The following ITGA1 variants were observed in gnomAD, a reference collection of about 807,000 sequenced individuals.
ITGA1 encodes the protein integrin subunit alpha 1, also known as integrin alpha-1.
ITGA1 carries 85 observed loss-of-function variants against 145.9 expected under a neutral mutation model. The observed-to-expected ratio is 0.58, with a 90% confidence interval of 0.49 to 0.70. ITGA1 has a LOEUF of 0.70. Among genes scored for constraint, ITGA1 ranks in the 30% least tolerant of loss-of-function variants. The probability of loss-of-function intolerance (pLI) is 0.00; values close to 1 mark genes in which losing one functional copy is unlikely to be tolerated. For missense variants in ITGA1, 1,351 were observed against 1,418.7 expected (o/e 0.95, Z 0.77); for synonymous variants, 520 against 495.3 (o/e 1.05, Z -0.66).
At chr5:52,807,982 T>C (rs1748621692) in intron 1 of ITGA1, among the ~76,000 whole-genome samples, 1 of 152,144 alleles carries the variant, frequency 6.6e-6, no homozygotes, top group Non-Finnish European at 1.5e-5. Flanking sequence ...AAATTAGATA[T>C]CAGCAGGAGA....
intron 3 of ITGA1, among the ~76,000 whole-genome samples, chr5:52,863,267 C>T (rs2169782): frequency 0.18 from 27,828 of 152,092 alleles, 2,769 homozygotes; most frequent in East Asian, 0.43. Context: ...TGCGCATTTA[C>T]TATTCAAGTC....
intron 1 of ITGA1, chr5:52,800,280 C>A: frequency 9.0e-7 from 1 of 1,110,052 alleles, no homozygotes; most frequent in East Asian, 2.4e-5. Context: ...AGGCAAGTGC[C>A]CTTAGAAACC....
chr5:52,831,777 T>C (rs926128865), intron 1 of ITGA1, among the ~76,000 whole-genome samples: 3 of 152,162 alleles, frequency 2.0e-5, no homozygotes, highest in Admixed American at 1.3e-4. Flanking sequence ...GGGACTTTTA[T>C]TAATGTCCGC....
At chr5:52,806,937 G>C (rs140403715) in intron 1 of ITGA1, among the ~76,000 whole-genome samples, 1 of 152,140 alleles carries the variant, frequency 6.6e-6, no homozygotes, top group African/African-American at 2.4e-5. Context: ...ATATGGGAAG[G>C]TCTTAAATTT....
At chr5:52,814,794 A>G (rs927432894) in intron 1 of ITGA1, among the ~76,000 whole-genome samples, 1 of 152,188 alleles carries the variant, frequency 6.6e-6, no homozygotes, top group Non-Finnish European at 1.5e-5. Flanking sequence ...GCTCATTTAA[A>G]TACTACAAGT....
At chr5:52,944,559 C>A (rs1751106331) in intron 26 of ITGA1, among the ~76,000 whole-genome samples, 1 of 152,010 alleles carries the variant, frequency 6.6e-6, no homozygotes, top group Non-Finnish European at 1.5e-5. Context: ...CATCTTGTCC[C>A]CCTAGATCAT....
At chr5:52,799,988 G>A (rs536552534) in intron 1 of ITGA1, 42 of 240,754 alleles carry the variant, frequency 1.7e-4, no homozygotes, top group African/African-American at 8.3e-4. Context: ...CGTCCGGAGC[G>A]CCTCACAGCT....
At chr5:52,947,260 G>A (rs1012908173) in intron 27 of ITGA1, 85 bp from the exon 28 acceptor site, 4 of 775,638 alleles carry the variant, frequency 5.2e-6, no homozygotes, top group Non-Finnish European at 9.1e-6. Flanking sequence ...TGCACTGGTA[G>A]AGAATTGTAG....
At chr5:52,854,382 G>A (rs1329741037) in intron 2 of ITGA1, among the ~76,000 whole-genome samples, 4 of 152,056 alleles carry the variant, frequency 2.6e-5, no homozygotes, top group Admixed American at 6.6e-5. Flanking sequence ...TGCTTCTAAC[G>A]CCTTTTGAAG....
In ITGA1 at chr5:52,920,452, A is replaced by T; in HGVS notation, c.2276A>T (p.His759Leu). The change falls in exon 17 of 29, where the codon CAC becomes CTC. Residue 759 changes from histidine (H) to leucine (L), a missense_variant. Coordinates refer to ENST00000282588, the MANE Select transcript of ITGA1 (RefSeq NM_181501.2). Reference protein sequence around the residue: ...ITVRKSECTKHSFYMLDKHDF... With the variant: ...ITVRKSECTKLSFYMLDKHDF... ...GTTCGAAAATCAGAATGCACTAAGCACTCCTTCTACATGTTGGCAAGTAAA... is the reference window on the plus strand; with the variant it reads ...GTTCGAAAATCAGAATGCACTAAGCTCTCCTTCTACATGTTGGCAAGTAAA... The T allele has an allele frequency of 6.2e-7, 1 of 1,602,006 alleles. No individual in the cohort carries two copies. Among genetic ancestry groups the T allele is most frequent in the Non-Finnish European group, 8.5e-7 (1 of 1,175,362 alleles).
chr5:52,885,089 C>T (rs1750026875), intron 7 of ITGA1, among the ~76,000 whole-genome samples: 2 of 152,124 alleles, frequency 1.3e-5, no homozygotes, highest in Non-Finnish European at 2.9e-5. Flanking sequence ...AACTCAGGAA[C>T]AGCAAGAGAT....
intron 26 of ITGA1, among the ~76,000 whole-genome samples, chr5:52,944,443 A>G (rs1751099867): frequency 6.6e-6 from 1 of 152,114 alleles, no homozygotes; most frequent in Middle Eastern, 3.2e-3. Context: ...TTGCCTCTCC[A>G]CACACTTGCG....
At position 52,889,119 on chromosome 5, in the gene ITGA1, T is replaced by A. The variant is rs369852741; in HGVS notation, c.924+1154T>A. 3.3e-4 allele frequency among the ~76,000 whole-genome samples: 50 copies of A among 151,800 alleles called. No individual in the cohort carries two copies. In the Middle Eastern group the frequency reaches 0.01, roughly 31 times the overall value. On this transcript the variant is annotated intron_variant, in intron 8 of 28. Transcript: ENST00000282588. ...CTAAACTACTATCCATTTTTTTTTT[T>A]AAATGGAGTCTCGCTCTGTCACCCA...
At chr5:52,935,957 C>CTTTTTTTTTTT (rs763649629) in intron 23 of ITGA1, among the ~76,000 whole-genome samples, 1 of 9,548 alleles carries the variant, frequency 1.0e-4, no homozygotes, top group Non-Finnish European at 1.8e-4. Context: ...CACAGGATTT[C>CTTTTTTTTTTT]TTTTTTTTTT....
At chr5:52,800,439 G>A (rs1253163294) in intron 1 of ITGA1, 5 of 1,614,066 alleles carry the variant, frequency 3.1e-6, no homozygotes, top group East Asian at 2.2e-5. Flanking sequence ...ATGCGGGCCA[G>A]GTGACCCTGG....
In ITGA1 at chr5:52,952,545, A is replaced by AT; in HGVS notation, c.*94_*95insT. ...ACAAGAAATGTATAATTCATGACATAGTCATGTAACTATGTAATCCATCAG... is the reference window on the plus strand; with the variant it reads ...ACAAGAAATGTATAATTCATGACATATGTCATGTAACTATGTAATCCATCAG... On this transcript the variant is annotated 3_prime_UTR_variant, in exon 29 of 29. Transcript: ENST00000282588. 3.7e-6 allele frequency: 2 copies of AT among 536,910 alleles called. No homozygotes were observed. Among genetic ancestry groups the AT allele is most frequent in the Non-Finnish European group, 6.5e-6 (2 of 308,540 alleles). 33.3% of individuals were successfully genotyped at this position (536,910 alleles called of 1,614,324 possible).
intron 14 of ITGA1, among the ~76,000 whole-genome samples, chr5:52,911,118 G>A (rs1029516574): frequency 7.4e-6 from 1 of 134,702 alleles, no homozygotes; most frequent in South Asian, 2.3e-4. Flanking sequence ...ATAGTATATA[G>A]TGTATATATA....
At chr5:52,828,968 T>C (rs1270819156) in intron 1 of ITGA1, among the ~76,000 whole-genome samples, 1 of 152,174 alleles carries the variant, frequency 6.6e-6, no homozygotes, top group Non-Finnish European at 1.5e-5. Context: ...ATAGGTATCT[T>C]AAATACTCCT....
rs1241776192 is a variant in ITGA1, at chr5:52,947,466, A to T, written c.3495+5A>T. On this transcript the variant is annotated splice_donor_5th_base_variant and intron_variant, in intron 28 of 28. Coordinates refer to ENST00000282588, the MANE Select transcript of ITGA1 (RefSeq NM_181501.2). ...CTCATTTTAGCACTGTGGAAGGTAA[A>T]CACCAAAATTCCTTTGACTCTCTAC... 6.4e-7 allele frequency: 1 copy of T among 1,572,760 alleles called. No homozygotes were observed. Among genetic ancestry groups the T allele is most frequent in the South Asian group, 1.1e-5 (1 of 90,236 alleles).
Sources: gnomAD v4.1 joint callset for allele counts (sites outside exome capture counted in the v4.1 genomes callset) on GRCh38, gnomAD v4.1.1 for gene constraint, MANE v1.5 for transcripts, NCBI Gene and HGNC (gene_info 2026-07-23, HGNC 2026-07-21) for gene names.